FGD4: variants seen among roughly 807,000 people sequenced by gnomAD.
FGD4 encodes FYVE, RhoGEF and PH domain containing 4.
FGD4 carries 42 observed loss-of-function variants against 102.0 expected under a neutral mutation model. The ratio of observed to expected loss-of-function variants is 0.41; its 90% CI spans 0.32 to 0.53. The LOEUF (loss-of-function observed/expected upper bound fraction) is 0.53. Ranked by LOEUF, FGD4 falls within the 20% of genes least tolerant of loss-of-function variation. The pLI, the probability that FGD4 is intolerant of heterozygous loss-of-function variation, is 0.21. For synonymous variants in FGD4, 380 were observed against 375.7 expected, an observed-to-expected ratio of 1.01 and a Z score of -0.13; for missense variants, 902 against 1,078.2, an observed-to-expected ratio of 0.84 and a Z score of 2.29.
chr12:32,507,869 AG>A (rs1273434094), intron 1 of FGD4, among the ~76,000 whole-genome samples: 1 of 152,218 alleles, frequency 6.6e-6, no homozygotes, highest in African/African-American at 2.4e-5. Flanking sequence ...ATGTTCTCTT[AG>A]GGGCATCAGT....
chr12:32,598,510 A>T lies in FGD4; in HGVS notation c.1025A>T (p.Gln342Leu). The T allele has an allele frequency of 6.2e-7, 1 of 1,613,156 alleles. No homozygotes were observed. Among genetic ancestry groups the T allele is most frequent in the Non-Finnish European group, 8.5e-7 (1 of 1,179,580 alleles). ...TCCAATTTTTAGGAGACTAATGAGC[A>T]AAAACTTCACAAAATAGCCAATGAA... ...QHHEMKETNE[Q>L]KLHKIANELL... Residue 342 changes from glutamine to leucine, a missense_variant, in exon 5 of 17, where the codon CAA becomes CTA. By Grantham distance (113) the Gln-to-Leu change is moderately radical. Coordinates refer to ENST00000534526, the MANE Select transcript of FGD4 (RefSeq NM_001370298.3).
chr12:32,461,196 CAT>C (rs1464892002), intron 1 of FGD4, among the ~76,000 whole-genome samples: 1 of 152,076 alleles, frequency 6.6e-6, no homozygotes, highest in African/African-American at 2.4e-5. Flanking sequence ...GGGAAAATAT[CAT>C]ATTTTAAATT....
At chr12:32,603,688 G>C (rs1415333125) in intron 7 of FGD4, among the ~76,000 whole-genome samples, 1 of 150,644 alleles carries the variant, frequency 6.6e-6, no homozygotes, top group African/African-American at 2.4e-5. Context: ...CCTGGCCTTT[G>C]TTTCTATAAT....
chr12:32,411,505 G>T (rs1941206994), intron 1 of FGD4, among the ~76,000 whole-genome samples: 1 of 152,056 alleles, frequency 6.6e-6, no homozygotes, highest in African/African-American at 2.4e-5. Context: ...CCACACTCCA[G>T]CCTGGGCGAC....
chr12:32,557,220 T>C (rs1275946219), intron 1 of FGD4, among the ~76,000 whole-genome samples: 1 of 152,208 alleles, frequency 6.6e-6, no homozygotes, highest in Non-Finnish European at 1.5e-5. Flanking sequence ...TTTAAAAATA[T>C]AAGTGATATA....
intron 1 of FGD4, among the ~76,000 whole-genome samples, chr12:32,530,941 G>GTTTTTTTTTTTTTTTTTTTTTTTTT (rs768536136): frequency 1.4e-5 from 1 of 70,478 alleles, no homozygotes; most frequent in African/African-American, 6.9e-5. Context: ...CCTAGCTTTG[G>GTTTTTTTTTTTTTTTTTTTTTTTTT]TTTTTTTTTT....
At chr12:32,526,437 AC>A (rs1941214604) in intron 1 of FGD4, among the ~76,000 whole-genome samples, 1 of 152,088 alleles carries the variant, frequency 6.6e-6, no homozygotes, top group African/African-American at 2.4e-5. Flanking sequence ...GCCTTGGAGA[AC>A]CTGGGTGTGG....
chr12:32,604,721 C>T (rs1054213000), intron 7 of FGD4, among the ~76,000 whole-genome samples: 4 of 152,082 alleles, frequency 2.6e-5, no homozygotes, highest in African/African-American at 4.8e-5. Context: ...GCTGCCAGTC[C>T]TCACAGTCCG....
intron 10 of FGD4, among the ~76,000 whole-genome samples, chr12:32,613,306 A>G (rs911592701): frequency 2.0e-5 from 3 of 152,248 alleles, no homozygotes; most frequent in African/African-American, 7.2e-5. Flanking sequence ...AGGGGTGTTC[A>G]GTACAAGGGG....
chr12:32,499,145 G>A (rs1306071589), intron 1 of FGD4, among the ~76,000 whole-genome samples: 1 of 152,238 alleles, frequency 6.6e-6, no homozygotes, highest in Non-Finnish European at 1.5e-5. Context: ...TCTCTGCCTA[G>A]CTGGCACAAT....
At chr12:32,549,552 G>A (rs1943489703) in intron 1 of FGD4, among the ~76,000 whole-genome samples, 1 of 152,128 alleles carries the variant, frequency 6.6e-6, no homozygotes, top group Non-Finnish European at 1.5e-5. Context: ...ATAATGAATG[G>A]ATCAGAGCCT....
intron 1 of FGD4, among the ~76,000 whole-genome samples, chr12:32,536,818 A>G (rs924787732): frequency 6.6e-6 from 1 of 152,222 alleles, no homozygotes; most frequent in African/African-American, 2.4e-5. Flanking sequence ...GTACACACAA[A>G]TACATTTTTA....
intron 2 of FGD4, among the ~76,000 whole-genome samples, chr12:32,575,233 T>C (rs2136365941): frequency 6.6e-6 from 1 of 152,324 alleles, no homozygotes; most frequent in African/African-American, 2.4e-5. Flanking sequence ...GCTGGGTAAT[T>C]TATGAAGAGG....
chr12:32,409,152 A>G (rs550632022), intron 1 of FGD4, among the ~76,000 whole-genome samples: 8 of 152,252 alleles, frequency 5.3e-5, no homozygotes, highest in African/African-American at 1.9e-4. Context: ...CCTGCTACCC[A>G]ATGAGCTACC....
chr12:32,598,375 AC>A, intron 4 of FGD4, 121 bp from the exon 5 acceptor site: 1 of 672,432 alleles, frequency 1.5e-6, no homozygotes, highest in East Asian at 2.6e-5. Flanking sequence ...GGCTGAAAGA[AC>A]CGAGTAACTG....
At chr12:32,528,784 T>G (rs1388699363) in intron 1 of FGD4, among the ~76,000 whole-genome samples, 4 of 152,202 alleles carry the variant, frequency 2.6e-5, no homozygotes, top group African/African-American at 9.6e-5. Flanking sequence ...TTATATTTTT[T>G]GTTGTTGTCT....
chr12:32,613,180 G>T (rs1428364672), intron 10 of FGD4, among the ~76,000 whole-genome samples: 1 of 152,168 alleles, frequency 6.6e-6, no homozygotes, highest in Non-Finnish European at 1.5e-5. Context: ...TGACTTTTCT[G>T]CTCTGAGGCA....
chr12:32,567,686 C>CTTTTT (rs36064998), intron 2 of FGD4, among the ~76,000 whole-genome samples: 3 of 126,378 alleles, frequency 2.4e-5, no homozygotes, highest in African/African-American at 8.9e-5. Context: ...TTATTGTGGG[C>CTTTTT]TTTTTTTTTT....
rs1943379758 is a variant in FGD4 at position 32,548,216 on chromosome 12, G to A, written c.167-15921G>A. On this transcript the variant is annotated intron_variant, in intron 1 of 16. Coordinates refer to ENST00000534526, the MANE Select transcript of FGD4 (RefSeq NM_001370298.3). ...TCCAGGGAGCATACGCTAGTACCCT[G>A]TTGCGGCATCCATGTGTGAGGGGGT... Among the ~76,000 whole-genome samples the A allele has an allele frequency of 2.0e-5, 3 of 152,148 alleles. No homozygotes were observed. The South Asian group carries it at 6.2e-4, about 32-fold the overall frequency.
Sources: allele counts gnomAD v4.1 joint callset (sites outside exome capture counted in the v4.1 genomes callset), GRCh38; gene constraint gnomAD v4.1.1; transcripts MANE v1.5; gene names NCBI Gene and HGNC (gene_info 2026-07-23, HGNC 2026-07-21).